TANC2: variants seen among roughly 807,000 people sequenced by gnomAD.
The protein encoded by TANC2 is tetratricopeptide repeat, ankyrin repeat and coiled-coil containing 2, also known as protein TANC2.
Under a neutral mutation model 210.5 loss-of-function variants are expected in TANC2, and 26 were observed. The ratio of observed to expected loss-of-function variants is 0.12; its 90% CI spans 0.09 to 0.17. The LOEUF is 0.17. Ranked by LOEUF, TANC2 falls within the 10% of genes least tolerant of loss-of-function variation. TANC2 has a pLI of 1.00. For synonymous variants in TANC2, 931 were observed against 967.1 expected (o/e 0.96, Z 0.69); for missense variants, 2,129 against 2,608.9 (o/e 0.82, Z 4.01).
intron 2 of TANC2, 101 bp downstream of exon 2, chr17:63,009,727 A>T: frequency 3.1e-6 from 3 of 957,426 alleles, no homozygotes; most frequent in Non-Finnish European, 4.8e-6. Flanking sequence ...TGCTTAACTT[A>T]GAACTTAAAA....
In TANC2 at chr17:62,975,204, T is replaced by G. The variant is rs181936150; in HGVS notation, c.-24+8455T>G. On this transcript the variant is annotated intron_variant, in intron 1 of 27. Coordinates refer to ENST00000689528, the Ensembl canonical transcript of TANC2. ...TCTCAGGCAATTCTGTCTGCCTAAA[T>G]GAAGGTAGTCACTTCTTAGCCCTTT... Among the ~76,000 whole-genome samples the G allele has an allele frequency of 1.3e-4, 20 of 152,328 alleles. No individual in the cohort carries two copies. The East Asian group carries it at 3.9e-3, about 29-fold the overall frequency.
intron 27 of TANC2, 126 bp from the exon 28 acceptor site, chr17:63,419,873 C>T (rs912488810): frequency 1.7e-6 from 2 of 1,151,296 alleles, no homozygotes; most frequent in Non-Finnish European, 2.4e-6. Context: ...CCAACTAAAC[C>T]GAAATACCCC....
At chr17:63,343,343 A>G (rs1379809979) in intron 12 of TANC2, among the ~76,000 whole-genome samples, 2 of 152,234 alleles carry the variant, frequency 1.3e-5, no homozygotes, top group African/African-American at 4.8e-5. Context: ...AAGTATTTCT[A>G]AAGAGGCATT....
chr17:63,391,581 G>C (rs2047975589), intron 17 of TANC2: 1 of 152,036 alleles, frequency 6.6e-6, no homozygotes, highest in South Asian at 2.1e-4. Context: ...AATAGTATCT[G>C]TAAAAAAGAA....
At chr17:63,187,357 A>G (rs887070686) in intron 5 of TANC2, among the ~76,000 whole-genome samples, 2 of 152,194 alleles carry the variant, frequency 1.3e-5, no homozygotes, top group African/African-American at 4.8e-5. Flanking sequence ...CTTGTAGGGC[A>G]GTTTGATGAT....
chr17:63,134,105 C>T (rs1415740701), intron 4 of TANC2, among the ~76,000 whole-genome samples: 1 of 152,114 alleles, frequency 6.6e-6, no homozygotes, highest in Non-Finnish European at 1.5e-5. Context: ...GTAACTTTCA[C>T]CTATTAAATA....
chr17:63,404,116 GA>G (rs956449097), intron 19 of TANC2, among the ~76,000 whole-genome samples: 6 of 150,920 alleles, frequency 4.0e-5, no homozygotes, highest in African/African-American at 9.7e-5. Flanking sequence ...AGTCAATTTG[GA>G]AAAAAAAATC....
intron 14 of TANC2, among the ~76,000 whole-genome samples, chr17:63,359,228 T>A (rs756472644): frequency 1.3e-5 from 2 of 150,352 alleles, no homozygotes; most frequent in Non-Finnish European, 2.9e-5. Context: ...CATGCCTAAT[T>A]TTTTTTGTTT....
intron 14 of TANC2, among the ~76,000 whole-genome samples, chr17:63,365,186 GC>G (rs2047073836): frequency 6.6e-6 from 1 of 152,066 alleles, no homozygotes; most frequent in Non-Finnish European, 1.5e-5. Context: ...TCTCTTTTTT[GC>G]AAGTAAAGCA....
intron 3 of TANC2, among the ~76,000 whole-genome samples, chr17:63,085,326 A>G (rs548287481): frequency 6.6e-6 from 1 of 152,132 alleles, no homozygotes; most frequent in Middle Eastern, 3.4e-3. Context: ...GTGATTATTG[A>G]TATAGTTGGA....
intron 1 of TANC2, among the ~76,000 whole-genome samples, chr17:62,985,776 T>C (rs917396098): frequency 2.6e-5 from 4 of 152,212 alleles, no homozygotes; most frequent in African/African-American, 7.2e-5. Flanking sequence ...ATTTTTCTTA[T>C]TTTGTTGAAT....
At chr17:63,340,636 A>G (rs2046198060) in intron 12 of TANC2, among the ~76,000 whole-genome samples, 1 of 152,168 alleles carries the variant, frequency 6.6e-6, no homozygotes, top group African/African-American at 2.4e-5. Context: ...TAAGTCAGTA[A>G]ATTTGTGGCT....
chr17:63,094,378 GCTTTGT>G (rs1334799455), intron 3 of TANC2, among the ~76,000 whole-genome samples: 1 of 151,846 alleles, frequency 6.6e-6, no homozygotes, highest in Non-Finnish European at 1.5e-5. Context: ...ATGCAAAATC[GCTTTGT>G]CTTTAGGGGC....
chr17:63,069,389 T>C (rs2036317048), intron 2 of TANC2, among the ~76,000 whole-genome samples: 1 of 152,148 alleles, frequency 6.6e-6, no homozygotes, highest in African/African-American at 2.4e-5. Flanking sequence ...CAACCAAAAA[T>C]GTCCCTAGAA....
At chr17:63,133,837 T>G (rs890175390) in intron 4 of TANC2, among the ~76,000 whole-genome samples, 1 of 152,176 alleles carries the variant, frequency 6.6e-6, no homozygotes, top group African/African-American at 2.4e-5. Context: ...AGTTTGATGA[T>G]TCCTACACAT....
chr17:63,119,104 ATTT>A (rs2038364644), intron 4 of TANC2, among the ~76,000 whole-genome samples: 2 of 151,802 alleles, frequency 1.3e-5, no homozygotes, highest in African/African-American at 4.8e-5. Flanking sequence ...TTTTTAAAAC[ATTT>A]TTATAGAGAT....
At chr17:63,342,916 C>T (rs1036553177) in intron 12 of TANC2, among the ~76,000 whole-genome samples, 12 of 150,690 alleles carry the variant, frequency 8.0e-5, no homozygotes, top group Non-Finnish European at 5.9e-5. Context: ...ATTATAAATA[C>T]TGTTCTAAGT....
chr17:63,126,911 C>G (rs1216035812), intron 4 of TANC2, among the ~76,000 whole-genome samples: 24 of 152,080 alleles, frequency 1.6e-4, no homozygotes, highest in Admixed American at 1.6e-3. Flanking sequence ...AGAAATAGCT[C>G]TCTTCATGCT....
chr17:63,046,417 C>T (rs183539834), intron 2 of TANC2, among the ~76,000 whole-genome samples: 6 of 149,322 alleles, frequency 4.0e-5, no homozygotes, highest in African/African-American at 1.5e-4. Flanking sequence ...CTGCATCCTC[C>T]ACCTCCCGGA....
Sources: allele counts gnomAD v4.1 joint callset (sites outside exome capture counted in the v4.1 genomes callset), GRCh38; gene constraint gnomAD v4.1.1; transcripts MANE v1.5; gene names NCBI Gene and HGNC (gene_info 2026-07-23, HGNC 2026-07-21).